The following CPLX2 variants were observed in gnomAD, a reference collection of about 807,000 sequenced individuals.
CPLX2 encodes the protein complexin 2.
Under a neutral mutation model 16.3 loss-of-function variants are expected in CPLX2, and 5 were observed. The observed-to-expected ratio is 0.31, with a 90% CI of 0.16 to 0.64. The LOEUF (loss-of-function observed/expected upper bound fraction) is 0.64. CPLX2 is among the 30% of genes least tolerant of loss of function. The probability of loss-of-function intolerance (pLI) is 0.79; values close to 1 mark genes in which losing one functional copy is unlikely to be tolerated. For synonymous variants in CPLX2, 89 were observed against 73.2 expected, an observed-to-expected ratio of 1.22 and a Z score of -1.10; for missense variants, 144 against 181.4, an observed-to-expected ratio of 0.79 and a Z score of 1.18.
intron 2 of CPLX2, among the ~76,000 whole-genome samples, chr5:175,820,403 G>A (rs926185802): frequency 1.3e-4 from 20 of 152,282 alleles, no homozygotes; most frequent in Middle Eastern, 3.4e-3. Flanking sequence ...GCCTCTTCAC[G>A]TCTCATGCAG....
chr5:175,853,787 A>C (rs561017887), intron 2 of CPLX2, among the ~76,000 whole-genome samples: 1 of 152,204 alleles, frequency 6.6e-6, no homozygotes, highest in East Asian at 1.9e-4. Flanking sequence ...GCCTCTGACG[A>C]CTGAGGGCCT....
At chr5:175,825,793 A>T (rs547209574) in intron 2 of CPLX2, among the ~76,000 whole-genome samples, 2 of 152,238 alleles carry the variant, frequency 1.3e-5, no homozygotes, top group South Asian at 4.1e-4. Flanking sequence ...AGGCAGCCAA[A>T]GAAGCTGGAG....
intron 2 of CPLX2, among the ~76,000 whole-genome samples, chr5:175,858,146 T>A (rs1759295336): frequency 6.6e-6 from 1 of 152,144 alleles, no homozygotes; most frequent in East Asian, 1.9e-4. Flanking sequence ...TTCCTGCCAT[T>A]CCCCGGGGAA....
chr5:175,826,101 G>A (rs541424424), intron 2 of CPLX2, among the ~76,000 whole-genome samples: 7 of 152,124 alleles, frequency 4.6e-5, no homozygotes, highest in South Asian at 4.2e-4. Context: ...ACTGACTAGC[G>A]GCACCACGAG....
chr5:175,839,060 C>T (rs1758895811), intron 2 of CPLX2, among the ~76,000 whole-genome samples: 1 of 152,076 alleles, frequency 6.6e-6, no homozygotes, highest in Non-Finnish European at 1.5e-5. Flanking sequence ...ACTCCATAAG[C>T]ATTTTTTAAA....
intron 1 of CPLX2, among the ~76,000 whole-genome samples, chr5:175,798,679 T>C (rs1422840995): frequency 6.6e-6 from 1 of 152,178 alleles, no homozygotes; most frequent in African/African-American, 2.4e-5. Flanking sequence ...AAGAGCCTTT[T>C]ATGGATGGAA....
chr5:175,878,636 C>A lies in CPLX2; in HGVS notation c.-88-16C>A. ...GCAGAGGCCTCTCCCATCTGACTCC[C>A]AATTCTCTTCTGCAGGTTGTCACAT... On this transcript the variant is annotated splice_polypyrimidine_tract_variant and intron_variant, in intron 1 of 3. Transcript: ENST00000393745. 1 of 1,369,366 alleles carries A rather than the reference C, an allele frequency of 7.3e-7. No homozygotes were observed. 84.8% of individuals were successfully genotyped at this position (1,369,366 alleles called of 1,614,324 possible).
At chr5:175,860,981 G>C in intron 2 of CPLX2, among the ~76,000 whole-genome samples, 1 of 150,772 alleles carries the variant, frequency 6.6e-6, no homozygotes, top group Non-Finnish European at 1.5e-5. Context: ...GGTTATGTGT[G>C]TGGGTGAGAA....
At chr5:175,827,832 A>G (rs1237617301) in intron 2 of CPLX2, among the ~76,000 whole-genome samples, 1 of 150,272 alleles carries the variant, frequency 6.7e-6, no homozygotes, top group Non-Finnish European at 1.5e-5. Context: ...CACATTTACA[A>G]AAAAACCAAC....
chr5:175,835,278 TGCATAAGACA>T (rs1310488650), intron 2 of CPLX2, among the ~76,000 whole-genome samples: 1 of 152,196 alleles, frequency 6.6e-6, no homozygotes, highest in Non-Finnish European at 1.5e-5. Flanking sequence ...GTTCAATCAA[TGCATAAGACA>T]GGAATAGTCA....
chr5:175,868,656 A>G (rs1296825707), upstream of CPLX2, among the ~76,000 whole-genome samples: 3 of 151,394 alleles, frequency 2.0e-5, no homozygotes, highest in Non-Finnish European at 4.4e-5. Context: ...GGCAACCCAC[A>G]TGACATGAGG....
chr5:175,853,739 G>A (rs902871290), intron 2 of CPLX2, among the ~76,000 whole-genome samples: 5 of 152,162 alleles, frequency 3.3e-5, no homozygotes, highest in East Asian at 3.8e-4. Flanking sequence ...AGGAAAGGGC[G>A]GTTCTGGAAC....
chr5:175,816,989 A>C (rs959654163), intron 2 of CPLX2, among the ~76,000 whole-genome samples: 1 of 152,250 alleles, frequency 6.6e-6, no homozygotes, highest in South Asian at 2.1e-4. Context: ...CGTGGTGTCC[A>C]TGGTGACCCA....
chr5:175,882,304 CCCAGT>C lies in CPLX2; in HGVS notation c.*2264_*2268del, dbSNP rs1755637733. ...GGTCCTGGGCCAGAGACAGGCAGGG[CCCAGT>C]CCAGGGGCCCCAGGCCTCCCCAGTC... is the stretch of plus-strand genomic sequence containing the variant. On this transcript the variant is annotated 3_prime_UTR_variant, in exon 4 of 4. Coordinates refer to ENST00000393745, the MANE Select transcript of CPLX2 (RefSeq NM_001008220.2). 1 of 152,668 alleles carries C rather than the reference CCCAGT, an allele frequency of 6.6e-6. No homozygotes were observed. The highest frequency in any genetic ancestry group is 2.4e-5 in the African/African-American group (1 of 41,448). The allele number at this position is 152,668 out of a possible 1,614,324, so 9.5% of individuals were successfully genotyped here.
intron 2 of CPLX2, among the ~76,000 whole-genome samples, chr5:175,837,024 C>T (rs1758851873): frequency 6.6e-6 from 1 of 152,264 alleles, no homozygotes. Context: ...TAGACCCTAA[C>T]TTGGGTATCC....
upstream of CPLX2, chr5:175,871,408 G>A (rs1180575655): frequency 1.3e-5 from 1 of 78,584 alleles, no homozygotes; most frequent in East Asian, 5.4e-4. Context: ...GAAAGAGAGA[G>A]AGGAGAGAGA....
At chr5:175,844,443 T>A (rs556426958) in intron 2 of CPLX2, among the ~76,000 whole-genome samples, 1 of 152,212 alleles carries the variant, frequency 6.6e-6, no homozygotes, top group Non-Finnish European at 1.5e-5. Flanking sequence ...AAGAGCCTGC[T>A]CTCTTGAGGC....
chr5:175,870,249 T>C (rs1460030062), upstream of CPLX2, among the ~76,000 whole-genome samples: 2 of 152,154 alleles, frequency 1.3e-5, no homozygotes, highest in African/African-American at 2.4e-5. Flanking sequence ...AGAACAGACA[T>C]AGACTTCAGA....
intron 2 of CPLX2, among the ~76,000 whole-genome samples, chr5:175,865,558 A>G (rs781443077): frequency 7.2e-5 from 11 of 152,228 alleles, no homozygotes; most frequent in Non-Finnish European, 1.5e-4. Context: ...TTCCAACTTC[A>G]CAATTCTTGA....
Sources: gnomAD v4.1 joint callset for allele counts (sites outside exome capture counted in the v4.1 genomes callset) on GRCh38, gnomAD v4.1.1 for gene constraint, MANE v1.5 for transcripts, NCBI Gene and HGNC (gene_info 2026-07-23, HGNC 2026-07-21) for gene names.